Variants in PLD2 observed in about 807,000 individuals in gnomAD.
PLD2 encodes the protein phospholipase D2.
A neutral mutation model predicts 119.8 loss-of-function variants in PLD2; 101 were observed. That is an observed-to-expected ratio of 0.84 (90% CI 0.72 to 0.99). PLD2 has a LOEUF of 0.99. Ranked by LOEUF, PLD2 falls within the 50% of genes least tolerant of loss-of-function variation. The pLI is 0.00. For missense variants in PLD2, 1,164 were observed against 1,226.8 expected, an observed-to-expected ratio of 0.95 and a Z score of 0.76; for synonymous variants, 494 against 482.8, an observed-to-expected ratio of 1.02 and a Z score of -0.30.
In PLD2 at chr17:4,815,883, G is replaced by A; in HGVS notation, c.1404G>A (p.Leu468=). Reference sequence around the variant, plus strand: ...TTGCCTATGGCCGCTGGGATGACCTGCACTACCGACTGACTGACCTTGGAG... The same window carrying A: ...TTGCCTATGGCCGCTGGGATGACCTACACTACCGACTGACTGACCTTGGAG... ...LDLAYGRWDD[L]HYRLTDLGDS... The change falls in exon 14 of 25, where the codon CTG becomes CTA. Residue 468 remains leucine (L), a synonymous_variant. Coordinates refer to ENST00000263088, the MANE Select transcript of PLD2 (RefSeq NM_002663.5). 1.2e-6 allele frequency: 2 copies of A among 1,614,044 alleles called. No individual in the cohort carries two copies. Among genetic ancestry groups the A allele is most frequent in the Non-Finnish European group, 1.7e-6 (2 of 1,179,988 alleles).
At chr17:4,817,481 T>A in intron 17 of PLD2, 1 of 539,306 alleles carries the variant, frequency 1.9e-6, no homozygotes, top group South Asian at 2.0e-5. Flanking sequence ...GCTAACATGG[T>A]GAAACCCCAT....
chr17:4,814,186 TCCTCC>T (rs1162929992), intron 10 of PLD2: 19 of 507,154 alleles, frequency 3.7e-5, no homozygotes, highest in Non-Finnish European at 5.7e-5. Context: ...GATGTATTAA[TCCTCC>T]TGTTCTTTAG....
At chr17:4,818,662 C>T (rs1435516062) in intron 20 of PLD2, 55 bp downstream of exon 20, 1 of 1,554,930 alleles carries the variant, frequency 6.4e-7, no homozygotes, top group Admixed American at 1.7e-5. Flanking sequence ...CCGTGTCCCC[C>T]TCCTGATTCT....
intron 10 of PLD2, among the ~76,000 whole-genome samples, chr17:4,813,212 G>C (rs748027717): frequency 6.6e-5 from 10 of 152,126 alleles, no homozygotes; most frequent in Non-Finnish European, 1.5e-4. Flanking sequence ...ATTTCACCAT[G>C]TTGGCCAGGC....
At position 4,814,408 on chromosome 17, in the gene PLD2, C is replaced by T. The variant is rs373255923; in HGVS notation, c.1011-10C>T. ...ACTCCCCTGACCTCCTTGGCTTGGC[C>T]TCCCCCCAGGTTTGTGAATGGGGCA... On this transcript the variant is annotated splice_polypyrimidine_tract_variant and intron_variant, in intron 10 of 24. Transcript: ENST00000263088. 1.2e-6 allele frequency: 2 copies of T among 1,606,378 alleles called. No homozygotes were observed. The highest frequency in any genetic ancestry group is 4.5e-5 in the East Asian group (2 of 44,738).
At chr17:4,811,300 T>TTC (rs1475023268) in intron 10 of PLD2, among the ~76,000 whole-genome samples, 3 of 142,924 alleles carry the variant, frequency 2.1e-5, no homozygotes, top group Non-Finnish European at 4.6e-5. Context: ...TTCTTTTCTT[T>TTC]TTTTTTTTTT....
intron 12 of PLD2, among the ~76,000 whole-genome samples, chr17:4,815,169 AG>A (rs2150674720): frequency 6.6e-6 from 1 of 152,050 alleles, no homozygotes; most frequent in South Asian, 2.1e-4. Flanking sequence ...GGAAAGGTGG[AG>A]GGCTAGGAGG....
rs768623605 is a variant in PLD2, at chr17:4,810,757, G to A, written c.861-45G>A. 2.5e-6 allele frequency: 4 copies of A among 1,577,506 alleles called. No homozygotes were observed. The Admixed American group carries it at 5.2e-5, about 21-fold the overall frequency. ...GGGAGGTCTCTAGGCAAGATCACAG[G>A]TATGGAGGGCGAGGATTTATGGACA... On this transcript the variant is annotated intron_variant, in intron 9 of 24. Coordinates refer to ENST00000263088, the MANE Select transcript of PLD2 (RefSeq NM_002663.5).
In PLD2 at chr17:4,807,934, G is replaced by C. The variant is rs752891266; in HGVS notation, c.110-50G>C. On this transcript the variant is annotated intron_variant, in intron 2 of 24. Coordinates refer to ENST00000263088, the MANE Select transcript of PLD2 (RefSeq NM_002663.5). The surrounding 1 kb of genome is among the most constrained non-coding windows in gnomAD (Gnocchi z 5.4). Reference sequence around the variant, plus strand: ...GGGAGGAGAGGCGTTCGGGAGCCAGGGGGCTGGGGCCTGTTGTGGTCTACA... The same window carrying C: ...GGGAGGAGAGGCGTTCGGGAGCCAGCGGGCTGGGGCCTGTTGTGGTCTACA... The C allele has an allele frequency of 1.2e-5, 19 of 1,606,820 alleles. No homozygotes were observed. Among genetic ancestry groups the C allele is most frequent in the Non-Finnish European group, 1.5e-5 (18 of 1,174,446 alleles).
chr17:4,821,926 TG>T lies in PLD2; in HGVS notation c.2577+24del, dbSNP rs1567537873. ...TGAGCAGGTGGGAACTTGGGAGGGG[TG>T]GGGGAGAGTGGCCTGGGGAAATTTG... On this transcript the variant is annotated intron_variant, in intron 24 of 24. Transcript: ENST00000263088. 1 of 1,499,146 alleles carries T rather than the reference TG, an allele frequency of 6.7e-7. No individual in the cohort carries two copies. The highest frequency in any genetic ancestry group is 1.4e-5 in the African/African-American group (1 of 71,242). The allele number at this position is 1,499,146 out of a possible 1,614,324, so 92.9% of individuals were successfully genotyped here.
rs767535793 is a variant in PLD2, at chr17:4,819,521, A to G, written c.2401A>G (p.Met801Val). ...IEDTETEPSLMNGAEYQAGRF... is the reference protein window; with the variant it reads ...IEDTETEPSLVNGAEYQAGRF... ...GGACACAGAGACGGAACCATCCCTC[A>G]TGAATGGGGCAGAGTATCAGGCGGG... The change falls in exon 23 of 25, where the codon ATG (methionine) becomes GTG (valine). Residue 801 changes from methionine (M) to valine (V), a missense_variant. Transcript: ENST00000263088. The surrounding 1 kb of genome is among the most constrained non-coding windows in gnomAD (Gnocchi z 4.2). The G allele has an allele frequency of 1.9e-6, 3 of 1,614,020 alleles. No individual in the cohort carries two copies. Among genetic ancestry groups the G allele is most frequent in the Middle Eastern group, 1.6e-4 (1 of 6,062 alleles).
At chr17:4,822,580 G>T in intron 24 of PLD2, 60 bp from the exon 25 acceptor site, 1 of 1,211,616 alleles carries the variant, frequency 8.3e-7, no homozygotes, top group South Asian at 1.3e-5. Context: ...AGCCTAGTTG[G>T]ACTTAGATTG....
chr17:4,814,332 T>C, intron 10 of PLD2, 86 bp from the exon 11 acceptor site: 1 of 1,533,340 alleles, frequency 6.5e-7, no homozygotes, highest in Non-Finnish European at 8.7e-7. Flanking sequence ...CTGTCACCTC[T>C]GACCCACGAC....
At chr17:4,813,126 C>T (rs1293819577) in intron 10 of PLD2, among the ~76,000 whole-genome samples, 2 of 152,200 alleles carry the variant, frequency 1.3e-5, no homozygotes, top group East Asian at 1.9e-4. Flanking sequence ...TCTCCTGCCT[C>T]GGCCTCCTGA....
chr17:4,807,941 G>C lies in PLD2; in HGVS notation c.110-43G>C. 1 of 1,606,436 alleles carries C rather than the reference G, an allele frequency of 6.2e-7. No homozygotes were observed. Among genetic ancestry groups the C allele is most frequent in the Non-Finnish European group, 8.5e-7 (1 of 1,173,962 alleles). ...GAGGCGTTCGGGAGCCAGGGGGCTG[G>C]GGCCTGTTGTGGTCTACACTCCTCG... On this transcript the variant is annotated intron_variant, in intron 2 of 24. Coordinates refer to ENST00000263088, the MANE Select transcript of PLD2 (RefSeq NM_002663.5). The surrounding 1 kb of genome is among the most constrained non-coding windows in gnomAD (Gnocchi z 5.4).
intron 10 of PLD2, 179 bp from the exon 11 acceptor site, chr17:4,814,239 G>A (rs983502720): frequency 6.0e-5 from 51 of 851,982 alleles, no homozygotes; most frequent in Non-Finnish European, 7.5e-5. Context: ...ATTTTTATTT[G>A]TATTTAGCGC....
At chr17:4,810,238 G>A (rs370962404) in intron 9 of PLD2, among the ~76,000 whole-genome samples, 1 of 152,210 alleles carries the variant, frequency 6.6e-6, no homozygotes, top group Non-Finnish European at 1.5e-5. Flanking sequence ...TAGAAGCCTG[G>A]GAAGGGAACT....
At chr17:4,811,020 T>C (rs1016712000) in intron 10 of PLD2, 69 bp downstream of exon 10, 1 of 1,466,758 alleles carries the variant, frequency 6.8e-7, no homozygotes, top group Non-Finnish European at 9.2e-7. Context: ...CTCTGAGTCC[T>C]TCATCCTCTC....
chr17:4,816,749 G>A lies in PLD2; in HGVS notation c.1582+3G>A, dbSNP rs1254316971. The A allele has an allele frequency of 1.2e-6, 2 of 1,614,078 alleles. No homozygotes were observed. The highest frequency in any genetic ancestry group is 1.7e-6 in the Non-Finnish European group (2 of 1,180,028). ...GCAGCTGGACCGGCCTTTCGAAGGT[G>A]AAGCCTCCCACCCGCCAAAGCCCCA... On this transcript the variant is annotated splice_donor_region_variant and intron_variant, in intron 15 of 24. Coordinates refer to ENST00000263088, the MANE Select transcript of PLD2 (RefSeq NM_002663.5).
Sources: gnomAD v4.1 joint callset for allele counts (sites outside exome capture counted in the v4.1 genomes callset) on GRCh38, gnomAD v4.1.1 for gene constraint, Gnocchi (gnomAD v3.1) non-coding constraint, MANE v1.5 for transcripts, NCBI Gene and HGNC (gene_info 2026-07-23, HGNC 2026-07-21) for gene names.